Variants in EPB41L2 observed in about 807,000 individuals in gnomAD.
The protein encoded by EPB41L2 is band 4.1-like protein 2.
Under a neutral mutation model 113.0 loss-of-function variants are expected in EPB41L2, and 43 were observed. The observed-to-expected ratio is 0.38, with a 90% CI of 0.30 to 0.49. The LOEUF (loss-of-function observed/expected upper bound fraction) is 0.49, where lower values mean the gene tolerates loss of function less well. Among genes scored for constraint, EPB41L2 ranks in the 20% least tolerant of loss-of-function variants. The pLI is 0.95. For missense variants in EPB41L2, 1,147 were observed against 1,223.4 expected (o/e 0.94, Z 0.93); for synonymous variants, 442 against 436.7 (o/e 1.01, Z -0.15).
rs568173219 is a variant in EPB41L2, at chr6:131,056,645, T to C, written c.-15+6510A>G. On this transcript the variant is annotated intron_variant, in intron 1 of 19. Coordinates refer to ENST00000337057, the MANE Select transcript of EPB41L2 (RefSeq NM_001431.4). ...CAACCCACTAGGTCTCTTCTTAACC[T>C]AACAATTTTTACAGATGCCAGGCAC... Among the ~76,000 whole-genome samples, 29 of 152,358 alleles carry C rather than the reference T, an allele frequency of 1.9e-4. 1 individual carries two copies. Among genetic ancestry groups the C allele is most frequent in the African/African-American group, 7.0e-4 (29 of 41,590 alleles).
chr6:130,863,788 A>ACT lies in EPB41L2; in HGVS notation c.2830-71_2830-70insAG. The ACT allele has an allele frequency of 3.0e-6, 3 of 996,762 alleles. No homozygotes were observed. In the South Asian group the frequency reaches 4.0e-5, roughly 13 times the overall value. 61.7% of individuals were successfully genotyped at this position (996,762 alleles called of 1,614,324 possible). ...GCACGTTTACACAGTCAGAGCAAACAGAGATGGGAGTCCACCTAGACCTGT... is the reference window on the plus strand; with the variant it reads ...GCACGTTTACACAGTCAGAGCAAACACTGAGATGGGAGTCCACCTAGACCTGT... On this transcript the variant is annotated intron_variant, in intron 17 of 19. Coordinates refer to ENST00000337057, the MANE Select transcript of EPB41L2 (RefSeq NM_001431.4).
chr6:130,926,665 G>C lies in EPB41L2; in HGVS notation c.750C>G (p.His250Gln), dbSNP rs1372823021. 1 of 1,610,052 alleles carries C rather than the reference G, an allele frequency of 6.2e-7. No homozygotes were observed. ...AGTAGTCTTTCTCCAAGAGATTGAG[G>C]TGTTCACACACTTTGTCAAATAACA... ...GQVLFDKVCE[H>Q]LNLLEKDYFG... Residue 250 changes from histidine (H) to glutamine (Q), a missense_variant, in exon 4 of 20, where the codon CAC becomes CAG. By Grantham distance (24) the His-to-Gln change is conservative. Transcript: ENST00000337057.
At chr6:130,853,792 C>T (rs1031362675) in intron 19 of EPB41L2, among the ~76,000 whole-genome samples, 4 of 152,172 alleles carry the variant, frequency 2.6e-5, no homozygotes, top group Admixed American at 6.5e-5. Context: ...AAAAGGGAGA[C>T]GGAGCAGATA....
At chr6:130,851,825 G>A (rs1218177034) in intron 19 of EPB41L2, among the ~76,000 whole-genome samples, 1 of 152,040 alleles carries the variant, frequency 6.6e-6, no homozygotes, top group Non-Finnish European at 1.5e-5. Context: ...TGTCACCTCC[G>A]CCTTTTCCCT....
chr6:130,869,326 G>A (rs1784884598), intron 15 of EPB41L2, among the ~76,000 whole-genome samples: 1 of 152,180 alleles, frequency 6.6e-6, no homozygotes, highest in African/African-American at 2.4e-5. Flanking sequence ...AATTGATGTG[G>A]TGCTTCTAGG....
chr6:130,848,026 A>G (rs1777545735), intron 19 of EPB41L2, among the ~76,000 whole-genome samples: 1 of 152,196 alleles, frequency 6.6e-6, no homozygotes. Flanking sequence ...TCTTTTAGAA[A>G]AAAGGAAGGT....
chr6:131,022,715 A>G (rs926471281), intron 1 of EPB41L2, among the ~76,000 whole-genome samples: 1 of 152,340 alleles, frequency 6.6e-6, no homozygotes, highest in Middle Eastern at 3.4e-3. Flanking sequence ...TATCATAAAA[A>G]CAGTGTCATC....
At chr6:131,030,873 C>T (rs1222679457) in intron 1 of EPB41L2, among the ~76,000 whole-genome samples, 2 of 149,930 alleles carry the variant, frequency 1.3e-5, no homozygotes, top group African/African-American at 2.5e-5. Context: ...CTCAGGAGCT[C>T]GAGGACCAGC....
At chr6:130,903,396 T>G (rs1796827003) in intron 6 of EPB41L2, among the ~76,000 whole-genome samples, 1 of 122,902 alleles carries the variant, frequency 8.1e-6, no homozygotes, top group South Asian at 2.5e-4. Context: ...CAACAAGTAG[T>G]TTAAAAAAAA....
chr6:130,901,346 T>C lies in EPB41L2; in HGVS notation c.930-166A>G, dbSNP rs186814723. Among the ~76,000 whole-genome samples the C allele has an allele frequency of 2.1e-3, 324 of 152,292 alleles. 1 individual carries two copies. The highest frequency in any genetic ancestry group is 5.2e-3 in the Admixed American group (79 of 15,300). On this transcript the variant is annotated intron_variant, in intron 6 of 19. Coordinates refer to ENST00000337057, the MANE Select transcript of EPB41L2 (RefSeq NM_001431.4). The stretch of plus-strand genomic sequence containing the variant: ...TCTCTAATAAAAAGCCTCAACTTGC[T>C]CCTTGGGCTTCTAAACTTGTGGCTT...
chr6:130,952,495 A>C (rs1285302259), intron 3 of EPB41L2, among the ~76,000 whole-genome samples: 1 of 152,098 alleles, frequency 6.6e-6, no homozygotes, highest in Non-Finnish European at 1.5e-5. Context: ...CAAGAAGGAA[A>C]AGATGAGAAT....
chr6:130,841,022 A>G (rs1775299301), intron 19 of EPB41L2, among the ~76,000 whole-genome samples: 2 of 152,184 alleles, frequency 1.3e-5, no homozygotes, highest in African/African-American at 4.8e-5. Context: ...GGAAAGAGGC[A>G]TGGAGGTGAA....
intron 1 of EPB41L2, among the ~76,000 whole-genome samples, chr6:130,995,890 C>G (rs1448204612): frequency 6.6e-6 from 1 of 152,148 alleles, no homozygotes; most frequent in Admixed American, 6.5e-5. Context: ...CTATCTCCTC[C>G]CACTGTCCCC....
intron 1 of EPB41L2, among the ~76,000 whole-genome samples, chr6:131,014,531 G>A (rs1301295183): frequency 6.6e-6 from 1 of 152,162 alleles, no homozygotes; most frequent in Non-Finnish European, 1.5e-5. Context: ...TTCAATCTGT[G>A]ACCCAAGCTC....
chr6:130,904,610 G>T, intron 5 of EPB41L2, 70 bp from the exon 6 acceptor site: 1 of 1,079,818 alleles, frequency 9.3e-7, no homozygotes, highest in Non-Finnish European at 1.4e-6. Context: ...AAAATTTAAA[G>T]GTCAAGGATC....
At chr6:131,013,189 T>C (rs912419663) in intron 1 of EPB41L2, among the ~76,000 whole-genome samples, 1 of 152,026 alleles carries the variant, frequency 6.6e-6, no homozygotes, top group African/African-American at 2.4e-5. Context: ...ATGGAAGACA[T>C]TGCCCAAGAG....
At chr6:130,986,512 G>A (rs1780581092) in intron 1 of EPB41L2, among the ~76,000 whole-genome samples, 1 of 151,978 alleles carries the variant, frequency 6.6e-6, no homozygotes, top group African/African-American at 2.4e-5. Flanking sequence ...AATGTAAAAT[G>A]GTGTAGCAGA....
intron 19 of EPB41L2, among the ~76,000 whole-genome samples, chr6:130,844,183 C>G (rs7760965): frequency 0.3 from 46,285 of 152,108 alleles, 8,099 homozygotes; most frequent in East Asian, 0.45. Context: ...GCAAATAATA[C>G]AAGAAAACAA....
chr6:131,012,251 A>G (rs2128726771), intron 1 of EPB41L2, among the ~76,000 whole-genome samples: 1 of 151,366 alleles, frequency 6.6e-6, no homozygotes, highest in South Asian at 2.1e-4. Context: ...TTTTGTTATG[A>G]AAAAAAATCT....
Sources: gnomAD v4.1 joint callset for allele counts (sites outside exome capture counted in the v4.1 genomes callset) on GRCh38, gnomAD v4.1.1 for gene constraint, MANE v1.5 for transcripts, NCBI Gene and HGNC (gene_info 2026-07-23, HGNC 2026-07-21) for gene names.